RASGRP3: variants seen among roughly 807,000 people sequenced by gnomAD.
RASGRP3 encodes ras guanyl-releasing protein 3.
In RASGRP3, 54 loss-of-function variants were observed where a neutral mutation model predicts 82.7. The observed-to-expected ratio is 0.65, with a 90% CI of 0.52 to 0.82. The LOEUF is 0.82. RASGRP3 is among the 40% of genes least tolerant of loss of function. The pLI is 0.00. For synonymous variants in RASGRP3, 309 were observed against 300.5 expected (o/e 1.03, Z -0.29); for missense variants, 861 against 828.9 (o/e 1.04, Z -0.48).
intron 2 of RASGRP3, among the ~76,000 whole-genome samples, chr2:33,467,696 T>G (rs1425816955): frequency 1.3e-5 from 2 of 152,148 alleles, no homozygotes; most frequent in Non-Finnish European, 2.9e-5. Context: ...ACCCACAGCT[T>G]CAGGAGGGAG....
chr2:33,462,416 G>C (rs1390796208), intron 2 of RASGRP3, among the ~76,000 whole-genome samples: 1 of 142,154 alleles, frequency 7.0e-6, no homozygotes. Flanking sequence ...GTCTCGCTCT[G>C]TTGGCCAGGC....
chr2:33,511,945 T>C (rs1402139040), intron 2 of RASGRP3, 103 bp downstream of exon 2: 1 of 152,578 alleles, frequency 6.6e-6, no homozygotes, highest in Non-Finnish European at 1.5e-5. Context: ...TAATAGGAGT[T>C]ATCTTTGTAT....
chr2:33,491,503 G>A (rs1203363148), intron 1 of RASGRP3, among the ~76,000 whole-genome samples: 2 of 151,970 alleles, frequency 1.3e-5, no homozygotes, highest in Non-Finnish European at 2.9e-5. Context: ...GCTATTATTT[G>A]CCAAATCATT....
intron 15 of RASGRP3, among the ~76,000 whole-genome samples, chr2:33,557,430 C>A (rs1676112922): frequency 6.6e-6 from 1 of 152,114 alleles, no homozygotes; most frequent in African/African-American, 2.4e-5. Context: ...CCAGACAAGG[C>A]CGGGCACGGT....
At chr2:33,520,832 G>T in intron 6 of RASGRP3, 148 bp downstream of exon 6, 2 of 1,041,874 alleles carry the variant, frequency 1.9e-6, no homozygotes, top group Non-Finnish European at 2.8e-6. Flanking sequence ...AGCGCAAGCC[G>T]TATGGGACAC....
rs1056177062 is a variant in RASGRP3, at chr2:33,564,623, T to G, written c.*1886T>G. Reference sequence around the variant, plus strand: ...CTCAAAGGAATTATTCACTTGCCACTTTGGTTATTTTTGAGTTTTCGTACA... The same window carrying G: ...CTCAAAGGAATTATTCACTTGCCACGTTGGTTATTTTTGAGTTTTCGTACA... On this transcript the variant is annotated 3_prime_UTR_variant, in exon 18 of 18. Transcript: ENST00000403687. 3.9e-5 allele frequency: 6 copies of G among 152,226 alleles called. No homozygotes were observed. The highest frequency in any genetic ancestry group is 1.4e-4 in the African/African-American group (6 of 41,464). The allele number at this position is 152,226 out of a possible 1,614,324, so 9.4% of individuals were successfully genotyped here. A position where few individuals can be genotyped will look rare whatever the true frequency, so the allele number is the denominator to read the frequency against.
chr2:33,523,943 C>T lies in RASGRP3; in HGVS notation c.581C>T (p.Ser194Leu), dbSNP rs904208199. Residue 194 changes from serine (S) to leucine (L), a missense_variant, in exon 8 of 18, where the codon TCG becomes TTG. Transcript: ENST00000403687. Reference protein sequence around the residue: ...CLENNPTLERSIALFNGISKW... With the variant: ...CLENNPTLERLIALFNGISKW... The stretch of plus-strand genomic sequence containing the variant: ...GAGAATAATCCAACCTTGGAAAGAT[C>T]GATTGCTTTATTTAATGGAATCTCT... The T allele has an allele frequency of 2.0e-5, 32 of 1,613,834 alleles. No homozygotes were observed. The highest frequency in any genetic ancestry group is 2.7e-5 in the Non-Finnish European group (32 of 1,179,792).
intron 2 of RASGRP3, among the ~76,000 whole-genome samples, chr2:33,461,864 G>T (rs1413634720): frequency 2.0e-5 from 3 of 152,188 alleles, no homozygotes; most frequent in African/African-American, 7.2e-5. Flanking sequence ...CTCCAGAAAA[G>T]GCGTGGAATA....
At chr2:33,477,339 T>C (rs1378724) in intron 1 of RASGRP3, among the ~76,000 whole-genome samples, 1 of 151,906 alleles carries the variant, frequency 6.6e-6, no homozygotes, top group South Asian at 2.1e-4. Flanking sequence ...TTATAGCGAC[T>C]TTTTTTCCCC....
intron 6 of RASGRP3, among the ~76,000 whole-genome samples, chr2:33,521,303 T>C (rs1187957792): frequency 6.6e-6 from 1 of 152,210 alleles, no homozygotes; most frequent in Non-Finnish European, 1.5e-5. Context: ...ACTAGGTAAC[T>C]TTGCACAGGG....
chr2:33,530,451 T>A (rs1435469335), intron 10 of RASGRP3, among the ~76,000 whole-genome samples: 1 of 151,412 alleles, frequency 6.6e-6, no homozygotes, highest in African/African-American at 2.4e-5. Flanking sequence ...TACCCTGCAA[T>A]GCAGCCTGGG....
upstream of RASGRP3, among the ~76,000 whole-genome samples, chr2:33,472,352 A>C (rs1246616153): frequency 2.0e-5 from 3 of 152,210 alleles, no homozygotes; most frequent in South Asian, 2.1e-4. Flanking sequence ...GAAGCCCTGA[A>C]GGTTCTGGGA....
chr2:33,491,618 T>G (rs1668851446), intron 1 of RASGRP3, among the ~76,000 whole-genome samples: 1 of 152,262 alleles, frequency 6.6e-6, no homozygotes, highest in Non-Finnish European at 1.5e-5. Context: ...ATTATCAGTT[T>G]CCTTAGTCTG....
At chr2:33,522,139 A>G (rs769075664) in intron 7 of RASGRP3, 37 bp downstream of exon 7, 1 of 1,574,740 alleles carries the variant, frequency 6.4e-7, no homozygotes. Flanking sequence ...AAGGATAACA[A>G]CCACCATGCC....
At chr2:33,519,927 GA>G in intron 4 of RASGRP3, 24 bp from the exon 5 acceptor site, 1 of 1,587,016 alleles carries the variant, frequency 6.3e-7, no homozygotes, top group Non-Finnish European at 8.6e-7. Flanking sequence ...GAGGTGCAAG[GA>G]TTTTTTTTCT....
intron 2 of RASGRP3, among the ~76,000 whole-genome samples, chr2:33,455,865 G>C (rs79389258): frequency 0.021 from 3,201 of 152,260 alleles, 120 homozygotes; most frequent in African/African-American, 0.075. Context: ...GAGCAGCTAG[G>C]AGGTCCCAGA....
chr2:33,486,517 T>A (rs527860327), intron 1 of RASGRP3, among the ~76,000 whole-genome samples: 1 of 152,302 alleles, frequency 6.6e-6, no homozygotes, highest in South Asian at 2.1e-4. Context: ...TGCACAAACA[T>A]GAAGAATATA....
chr2:33,517,217 G>A (rs4670648), intron 4 of RASGRP3, among the ~76,000 whole-genome samples: 123,416 of 152,256 alleles, frequency 0.81, 50,269 homozygotes, highest in African/African-American at 0.89. Flanking sequence ...ACACCATTCC[G>A]TAATGAAGGC....
rs1019679573 is a variant in RASGRP3 at position 33,563,473 on chromosome 2, C to T, written c.*736C>T. On this transcript the variant is annotated 3_prime_UTR_variant, in exon 18 of 18. Coordinates refer to ENST00000403687, the MANE Select transcript of RASGRP3 (RefSeq NM_001139488.2). ...CATGGTCGTGAAAGCTCTCCTAATA[C>T]TTACTTAAATAGCCATGGAAGAAAA... 3.9e-5 allele frequency: 6 copies of T among 152,142 alleles called. No individual in the cohort carries two copies. Among genetic ancestry groups the T allele is most frequent in the African/African-American group, 1.4e-4 (6 of 41,444 alleles). The allele number at this position is 152,142 out of a possible 1,614,324, so 9.4% of individuals were successfully genotyped here. A position where few individuals can be genotyped will look rare whatever the true frequency, so the allele number is the denominator to read the frequency against.
Sources: allele counts gnomAD v4.1 joint callset (sites outside exome capture counted in the v4.1 genomes callset), GRCh38; gene constraint gnomAD v4.1.1; transcripts MANE v1.5; gene names NCBI Gene and HGNC (gene_info 2026-07-23, HGNC 2026-07-21).